The following LDLRAD4 variants were observed in gnomAD, a reference collection of about 807,000 sequenced individuals.
The protein encoded by LDLRAD4 is low density lipoprotein receptor class A domain containing 4.
A neutral mutation model predicts 17.0 loss-of-function variants in LDLRAD4; 5 were observed. That is an observed-to-expected ratio of 0.29 (90% confidence interval 0.15 to 0.62). The LOEUF (loss-of-function observed/expected upper bound fraction) is 0.62. LDLRAD4 is among the 20% of genes least tolerant of loss of function. The pLI is 0.84. For synonymous variants in LDLRAD4, 168 were observed against 171.8 expected (o/e 0.98, Z 0.17); for missense variants, 340 against 424.7 (o/e 0.80, Z 1.75).
chr18:13,471,986 G>A (rs1211780826), intron 3 of LDLRAD4: 1 of 152,242 alleles, frequency 6.6e-6, no homozygotes, highest in African/African-American at 2.4e-5. Flanking sequence ...ATAAAAACAC[G>A]ATTTCCACCT....
At chr18:13,418,446 C>T (rs1436951350) in intron 2 of LDLRAD4, among the ~76,000 whole-genome samples, 1 of 152,232 alleles carries the variant, frequency 6.6e-6, no homozygotes, top group Admixed American at 6.5e-5. Flanking sequence ...CTGATGGACC[C>T]TTAAAGCTGC....
At chr18:13,462,685 A>C (rs983779611) in intron 3 of LDLRAD4, among the ~76,000 whole-genome samples, 1 of 152,220 alleles carries the variant, frequency 6.6e-6, no homozygotes, top group African/African-American at 2.4e-5. Flanking sequence ...GCGTATATCA[A>C]TGCGGAAGGT....
chr18:13,571,118 C>CCT, intron 3 of LDLRAD4, among the ~76,000 whole-genome samples: 1 of 152,206 alleles, frequency 6.6e-6, no homozygotes, highest in African/African-American at 2.4e-5. Flanking sequence ...CCACGCCTGG[C>CCT]ATGCCCTTTC....
intron 1 of LDLRAD4, among the ~76,000 whole-genome samples, chr18:13,296,432 C>T (rs965730619): frequency 3.3e-5 from 5 of 152,164 alleles, no homozygotes; most frequent in Admixed American, 1.3e-4. Context: ...TCTGGTCAGG[C>T]CTGTCTTCCG....
At chr18:13,483,259 A>G (rs2093137359) in intron 3 of LDLRAD4, among the ~76,000 whole-genome samples, 2 of 152,044 alleles carry the variant, frequency 1.3e-5, no homozygotes, top group South Asian at 4.1e-4. Flanking sequence ...CAGACCTGCC[A>G]CAACACGGCT....
chr18:13,483,538 G>T (rs1030536007), intron 3 of LDLRAD4, among the ~76,000 whole-genome samples: 4 of 152,182 alleles, frequency 2.6e-5, no homozygotes, highest in African/African-American at 9.7e-5. Flanking sequence ...GAGCCCTGGG[G>T]TTGGTCACAT....
chr18:13,263,304 A>G (rs1013423819), intron 1 of LDLRAD4, among the ~76,000 whole-genome samples: 6 of 144,712 alleles, frequency 4.1e-5, no homozygotes, highest in East Asian at 4.3e-4. Context: ...GCTGAGTCCC[A>G]TGCGGCTCTG....
At chr18:13,633,441 G>A (rs577346402) in intron 4 of LDLRAD4, among the ~76,000 whole-genome samples, 158 of 152,320 alleles carry the variant, frequency 1.0e-3, no homozygotes, top group African/African-American at 3.6e-3. Flanking sequence ...CATCAGTCAT[G>A]TACACGGTGC....
intron 1 of LDLRAD4, among the ~76,000 whole-genome samples, chr18:13,305,192 A>T (rs924103756): frequency 6.6e-5 from 10 of 152,236 alleles, no homozygotes; most frequent in Admixed American, 5.9e-4. Flanking sequence ...TGTAAAATAT[A>T]TGCGTACCTG....
chr18:13,547,851 T>G (rs1601292637), intron 3 of LDLRAD4, among the ~76,000 whole-genome samples: 1 of 152,198 alleles, frequency 6.6e-6, no homozygotes, highest in African/African-American at 2.4e-5. Flanking sequence ...TCTTCTCTCC[T>G]TCTTGTCACC....
chr18:13,487,137 T>C (rs1481245546), intron 3 of LDLRAD4: 1 of 152,154 alleles, frequency 6.6e-6, no homozygotes, highest in African/African-American at 2.4e-5. Flanking sequence ...TTGATGAGAG[T>C]GATCATTTCT....
At chr18:13,581,260 A>G (rs2094852778) in intron 3 of LDLRAD4, among the ~76,000 whole-genome samples, 1 of 152,228 alleles carries the variant, frequency 6.6e-6, no homozygotes, top group Non-Finnish European at 1.5e-5. Flanking sequence ...CGGCTCTCAA[A>G]AAGTTCGGGA....
exon 6 of LDLRAD4, chr18:13,649,999 T>G (rs1422658581): frequency 1.8e-5 from 7 of 398,334 alleles, no homozygotes; most frequent in Non-Finnish European, 3.1e-5. Flanking sequence ...TTAAAAATGT[T>G]GCTTCCAGCC....
At chr18:13,302,866 G>C (rs114362924) in intron 1 of LDLRAD4, among the ~76,000 whole-genome samples, 1 of 152,060 alleles carries the variant, frequency 6.6e-6, no homozygotes, top group African/African-American at 2.4e-5. Flanking sequence ...GTTATGTTAC[G>C]TGCAGTTATG....
chr18:13,570,331 T>C (rs2094671553), intron 3 of LDLRAD4, among the ~76,000 whole-genome samples: 2 of 152,178 alleles, frequency 1.3e-5, no homozygotes, highest in Non-Finnish European at 1.5e-5. Flanking sequence ...CTCCGTGACC[T>C]TGTCCTGCAG....
chr18:13,409,758 C>T (rs2088147274), intron 2 of LDLRAD4, among the ~76,000 whole-genome samples: 1 of 152,152 alleles, frequency 6.6e-6, no homozygotes, highest in South Asian at 2.1e-4. Flanking sequence ...TAGAAAATCA[C>T]CATCAGAACA....
chr18:13,237,292 C>T (rs79752796), intron 1 of LDLRAD4, among the ~76,000 whole-genome samples: 4,187 of 152,314 alleles, frequency 0.027, 189 homozygotes, highest in African/African-American at 0.094. Flanking sequence ...CATCACCCCA[C>T]GTCCTGGGCA....
upstream of LDLRAD4, among the ~76,000 whole-genome samples, chr18:13,276,409 A>G (rs1033552735): frequency 6.6e-6 from 1 of 152,172 alleles, no homozygotes; most frequent in African/African-American, 2.4e-5. Context: ...ACAGTTTCCA[A>G]GGCTCCACAG....
intron 3 of LDLRAD4, chr18:13,521,066 G>C (rs2093945885): frequency 6.6e-6 from 1 of 152,164 alleles, no homozygotes; most frequent in South Asian, 2.1e-4. Context: ...TTTGCTTAAT[G>C]AGTCAGTCTC....
Sources: allele counts gnomAD v4.1 joint callset (sites outside exome capture counted in the v4.1 genomes callset), GRCh38; gene constraint gnomAD v4.1.1; transcripts MANE v1.5; gene names NCBI Gene and HGNC (gene_info 2026-07-23, HGNC 2026-07-21).